Variants in CNGB3 observed in about 807,000 individuals in gnomAD.
CNGB3 encodes cyclic nucleotide-gated channel beta-3.
Under a neutral mutation model 92.8 loss-of-function variants are expected in CNGB3, and 86 were observed. The observed-to-expected ratio is 0.93, with a 90% confidence interval of 0.78 to 1.11. The LOEUF (loss-of-function observed/expected upper bound fraction) is 1.11. Among genes scored for constraint, CNGB3 ranks in the 50% least tolerant of loss-of-function variants. The probability of loss-of-function intolerance (pLI) is 0.00; values close to 1 mark genes in which losing one functional copy is unlikely to be tolerated. For synonymous variants in CNGB3, 333 were observed against 332.7 expected (o/e 1.00, Z -0.01); for missense variants, 1,026 against 956.8 (o/e 1.07, Z -0.95).
In CNGB3 at chr8:86,575,518, T is replaced by A. The variant is rs1821640933; in HGVS notation, c.*286A>T. The A allele has an allele frequency of 1.0e-5, 3 of 297,968 alleles. No individual in the cohort carries two copies. The highest frequency in any genetic ancestry group is 6.2e-5 in the East Asian group (1 of 16,146). 18.5% of individuals were successfully genotyped at this position (297,968 alleles called of 1,614,324 possible). ...CTAATAAAACTGGAAGGAAGAGACA[T>A]CATCAGGAAAGAACCAAAGGAAAAG... On this transcript the variant is annotated 3_prime_UTR_variant, in exon 18 of 18. Transcript: ENST00000320005.
chr8:86,667,411 C>T (rs1394274389), intron 5 of CNGB3, among the ~76,000 whole-genome samples: 1 of 152,168 alleles, frequency 6.6e-6, no homozygotes, highest in Non-Finnish European at 1.5e-5. Context: ...GGTAGCTGTA[C>T]TATTTGGATC....
chr8:86,587,109 G>T (rs1192147506), intron 15 of CNGB3, among the ~76,000 whole-genome samples: 9 of 143,580 alleles, frequency 6.3e-5, no homozygotes, highest in African/African-American at 1.0e-4. Context: ...ATTTTTTCAT[G>T]TGTTTTTTGG....
At position 86,579,201 on chromosome 8, in the gene CNGB3, G is replaced by A. The variant is rs368787128; in HGVS notation, c.1833C>T (p.His611=). The A allele has an allele frequency of 1.7e-4, 276 of 1,614,002 alleles. No individual in the cohort carries two copies. The highest frequency in any genetic ancestry group is 2.1e-4 in the Non-Finnish European group (247 of 1,180,026). The change falls in exon 16 of 18, where the codon CAC becomes CAT. Residue 611 remains histidine, a synonymous_variant. Transcript: ENST00000320005. Reference sequence around the variant, plus strand: ...CTAGAGTTAAAAGATTGGCAAACCCGTGGGCCACCACATTGGCAGTTCGAC... The same window carrying A: ...CTAGAGTTAAAAGATTGGCAAACCCATGGGCCACCACATTGGCAGTTCGAC... The part of the protein sequence containing the change: ...GNRRTANVVA[H]GFANLLTLDK...
intron 9 of CNGB3, among the ~76,000 whole-genome samples, chr8:86,644,319 A>G (rs1823251658): frequency 6.6e-6 from 1 of 151,456 alleles, no homozygotes; most frequent in Non-Finnish European, 1.5e-5. Flanking sequence ...GGAATGAATT[A>G]TCATGAGAAA....
At chr8:86,657,839 C>G in intron 6 of CNGB3, 1 of 525,102 alleles carries the variant, frequency 1.9e-6, no homozygotes, top group Non-Finnish European at 3.8e-6. Flanking sequence ...TCAGCACTGA[C>G]CTCTAGCTCT....
intron 15 of CNGB3, among the ~76,000 whole-genome samples, chr8:86,596,392 A>G (rs1052278775): frequency 1.3e-5 from 2 of 152,178 alleles, no homozygotes; most frequent in African/African-American, 4.8e-5. Context: ...TTGGGAATTA[A>G]ACCTCAAATA....
chr8:86,725,589 C>T (rs976879696), intron 3 of CNGB3, among the ~76,000 whole-genome samples: 1 of 152,028 alleles, frequency 6.6e-6, no homozygotes, highest in African/African-American at 2.4e-5. Flanking sequence ...TGTTTATTTT[C>T]ATATAGTCAA....
intron 10 of CNGB3, among the ~76,000 whole-genome samples, chr8:86,643,281 T>C (rs1270318989): frequency 6.6e-6 from 1 of 151,556 alleles, no homozygotes; most frequent in South Asian, 2.1e-4. Flanking sequence ...ATACAATGCA[T>C]AGTGATCAAG....
chr8:86,659,253 T>G, intron 6 of CNGB3: 1 of 773,522 alleles, frequency 1.3e-6, no homozygotes, highest in South Asian at 1.4e-5. Flanking sequence ...ATATTGGTCT[T>G]TCTCCATCTG....
intron 6 of CNGB3, chr8:86,657,960 G>A (rs899842831): frequency 1.3e-5 from 7 of 553,102 alleles, no homozygotes; most frequent in African/African-American, 9.5e-5. Flanking sequence ...CACTGATGAC[G>A]TCTGTCTCTC....
intron 3 of CNGB3, among the ~76,000 whole-genome samples, chr8:86,687,376 C>T (rs1266207072): frequency 6.6e-6 from 1 of 151,900 alleles, no homozygotes; most frequent in Non-Finnish European, 1.5e-5. Context: ...AGTACTGGCA[C>T]ATGCTATAAT....
Position 86,603,014 on chromosome 8 carries a change from C to T in CNGB3, c.1781+1079G>A, listed in dbSNP as rs373877378. Among the ~76,000 whole-genome samples, 5 of 152,318 alleles carry T rather than the reference C, an allele frequency of 3.3e-5. No individual in the cohort carries two copies. The East Asian group carries it at 7.7e-4, about 24-fold the overall frequency. ...CCCTTGACCAGACAAACTTGCTTTACCTCTAGCCCTTTGGTAATCAGGCTC... is the reference window on the plus strand; with the variant it reads ...CCCTTGACCAGACAAACTTGCTTTATCTCTAGCCCTTTGGTAATCAGGCTC... On this transcript the variant is annotated intron_variant, in intron 15 of 17. Coordinates refer to ENST00000320005, the MANE Select transcript of CNGB3 (RefSeq NM_019098.5).
chr8:86,708,535 ACTTT>A (rs1236242843), intron 3 of CNGB3, among the ~76,000 whole-genome samples: 6 of 145,094 alleles, frequency 4.1e-5, no homozygotes, highest in Admixed American at 2.0e-4. Context: ...TTTTTTCTTT[ACTTT>A]CTTTCTTTTC....
At chr8:86,725,532 G>A (rs997592383) in intron 3 of CNGB3, among the ~76,000 whole-genome samples, 1 of 152,204 alleles carries the variant, frequency 6.6e-6, no homozygotes, top group African/African-American at 2.4e-5. Context: ...TTGTGTTTAT[G>A]TGCACACGTG....
intron 7 of CNGB3, among the ~76,000 whole-genome samples, chr8:86,653,785 G>A (rs1225042277): frequency 1.3e-5 from 2 of 152,130 alleles, no homozygotes; most frequent in East Asian, 3.9e-4. Context: ...TCAAATCTGG[G>A]CACTAACTTA....
At chr8:86,657,913 C>A in intron 6 of CNGB3, 1 of 548,584 alleles carries the variant, frequency 1.8e-6, no homozygotes, top group Non-Finnish European at 3.6e-6. Context: ...CCTCTGACCA[C>A]CGTGCAGCTC....
At chr8:86,718,988 C>T (rs1340811916) in intron 3 of CNGB3, among the ~76,000 whole-genome samples, 1 of 151,656 alleles carries the variant, frequency 6.6e-6, no homozygotes, top group Non-Finnish European at 1.5e-5. Context: ...TGATTAAAAC[C>T]CTCAGAAAAA....
At chr8:86,735,042 G>GGTTTTTTTTTTTTTTTTTTT (rs1554618958) in intron 2 of CNGB3, among the ~76,000 whole-genome samples, 1 of 85,886 alleles carries the variant, frequency 1.2e-5, no homozygotes, top group Non-Finnish European at 2.1e-5. Context: ...AATGCCGGTG[G>GGTTTTTTTTTTTTTTTTTTT]TTTTTTTTTT....
chr8:86,667,685 C>T (rs1000021452), intron 5 of CNGB3, among the ~76,000 whole-genome samples: 4 of 152,266 alleles, frequency 2.6e-5, no homozygotes, highest in African/African-American at 7.2e-5. Context: ...GAATAATCAA[C>T]AATGTGAAGC....
Sources: gnomAD v4.1 joint callset for allele counts (sites outside exome capture counted in the v4.1 genomes callset) on GRCh38, gnomAD v4.1.1 for gene constraint, MANE v1.5 for transcripts, NCBI Gene and HGNC (gene_info 2026-07-23, HGNC 2026-07-21) for gene names.